ARID1A: variants seen among roughly 807,000 people sequenced by gnomAD.
ARID1A encodes the protein AT-rich interactive domain-containing protein 1A.
A neutral mutation model predicts 212.6 loss-of-function variants in ARID1A; 20 were observed. The ratio of observed to expected loss-of-function variants is 0.09; its 90% confidence interval spans 0.07 to 0.14. The LOEUF (loss-of-function observed/expected upper bound fraction) is 0.14, where lower values mean the gene tolerates loss of function less well. Ranked by LOEUF, ARID1A falls within the 10% of genes least tolerant of loss-of-function variation. The pLI, the probability that ARID1A is intolerant of heterozygous loss-of-function variation, is 1.00. For missense variants in ARID1A, 2,587 were observed against 3,059.0 expected, an observed-to-expected ratio of 0.85 and a Z score of 3.64; for synonymous variants, 1,376 against 1,222.1, an observed-to-expected ratio of 1.13 and a Z score of -2.63.
intron 1 of ARID1A, among the ~76,000 whole-genome samples, chr1:26,704,433 GGCT>G (rs1171903881): frequency 1.3e-5 from 2 of 152,162 alleles, no homozygotes; most frequent in African/African-American, 4.8e-5. Context: ...GGGACTCTTA[GGCT>G]GCTATTTCTG....
At chr1:26,711,193 C>T (rs2080450392) in intron 1 of ARID1A, among the ~76,000 whole-genome samples, 2 of 152,108 alleles carry the variant, frequency 1.3e-5, no homozygotes, top group South Asian at 4.2e-4. Flanking sequence ...ATTGCAACCT[C>T]CGCCTCCTGG....
chr1:26,725,087 G>A (rs2124779340), intron 1 of ARID1A, among the ~76,000 whole-genome samples: 1 of 152,148 alleles, frequency 6.6e-6, no homozygotes, highest in South Asian at 2.1e-4. Context: ...GTGTCTCTGT[G>A]GCAGAGCCTT....
At position 26,763,039 on chromosome 1, in the gene ARID1A, C is replaced by G; in HGVS notation, c.2486C>G (p.Ala829Gly). 7 of 1,613,966 alleles carry G rather than the reference C, an allele frequency of 4.3e-6. No homozygotes were observed. The highest frequency in any genetic ancestry group is 5.9e-6 in the Non-Finnish European group (7 of 1,179,808). The change falls in exon 8 of 20, where the codon GCT becomes GGT. Residue 829 changes from alanine (A) to glycine (G), a missense_variant. Transcript: ENST00000324856. ...PNANYPSAGM[A>G]GGINPMGAGG... ...GCCAACTACCCCAGTGCAGGCATGG[C>G]TGGAGGCATAAACCCCATGGGTGCC...
Position 26,762,276 on chromosome 1 carries a change from C to T in ARID1A, c.2376C>T (p.Ser792=), listed in dbSNP as rs2080999539. ...HTGMGSYQQN[S]MGSYGPQGGQ... is the part of the protein sequence containing the mutation. ...GCATGGGCTCCTACCAGCAGAACTC[C>T]ATGGGGAGCTATGGTCCCCAGGGGG... The change falls in exon 7 of 20, where the codon TCC becomes TCT. Residue 792 remains serine, a synonymous_variant. Coordinates refer to ENST00000324856, the MANE Select transcript of ARID1A (RefSeq NM_006015.6). 1 of 1,614,204 alleles carries T rather than the reference C, an allele frequency of 6.2e-7. No individual in the cohort carries two copies. The highest frequency in any genetic ancestry group is 8.5e-7 in the Non-Finnish European group (1 of 1,180,044).
chr1:26,749,318 G>A (rs751027373), intron 4 of ARID1A, among the ~76,000 whole-genome samples: 3 of 152,106 alleles, frequency 2.0e-5, no homozygotes, highest in Non-Finnish European at 2.9e-5. Flanking sequence ...GCTGTGAGGA[G>A]CACCTTCTCA....
chr1:26,728,657 C>A (rs186019587), intron 1 of ARID1A, among the ~76,000 whole-genome samples: 1 of 152,094 alleles, frequency 6.6e-6, no homozygotes, highest in Non-Finnish European at 1.5e-5. Context: ...CTATTTCACC[C>A]CCAATGTAAG....
At chr1:26,767,549 T>C (rs1384542282) in intron 10 of ARID1A, among the ~76,000 whole-genome samples, 1 of 152,184 alleles carries the variant, frequency 6.6e-6, no homozygotes, top group Non-Finnish European at 1.5e-5. Context: ...ATACCTAATA[T>C]ATAAAGGCAT....
Position 26,771,454 on chromosome 1 carries a change from A to G in ARID1A, c.3406+128A>G, listed in dbSNP as rs1158449396. On this transcript the variant is annotated intron_variant, in intron 12 of 19. Coordinates refer to ENST00000324856, the MANE Select transcript of ARID1A (RefSeq NM_006015.6). The surrounding 1 kb of genome is among the most constrained non-coding windows in gnomAD (Gnocchi z 5.4). Reference sequence around the variant, plus strand: ...GATCTGTGCTCTGCCTTGCCCTACCACAGGGCTTAACAGGTTGGCTGACTA... The same window carrying G: ...GATCTGTGCTCTGCCTTGCCCTACCGCAGGGCTTAACAGGTTGGCTGACTA... 3.1e-6 allele frequency: 3 copies of G among 973,520 alleles called. No individual in the cohort carries two copies. The highest frequency in any genetic ancestry group is 1.7e-5 in the African/African-American group (1 of 60,434). The allele number at this position is 973,520 out of a possible 1,614,324, so 60.3% of individuals were successfully genotyped here. A position where few individuals can be genotyped will look rare whatever the true frequency, so the allele number is the denominator to read the frequency against.
chr1:26,777,786 G>A (rs1224547001), intron 19 of ARID1A, among the ~76,000 whole-genome samples: 1 of 152,112 alleles, frequency 6.6e-6, no homozygotes, highest in African/African-American at 2.4e-5. Flanking sequence ...ATAAAAATTA[G>A]GCTGGGCGCA....
rs2080278252 is a variant in ARID1A, at chr1:26,697,294, A to G, written c.891A>G (p.Gln297=). 1.5e-6 allele frequency: 2 copies of G among 1,352,904 alleles called. No individual in the cohort carries two copies. Among genetic ancestry groups the G allele is most frequent in the African/African-American group, 3.1e-5 (2 of 65,350 alleles). The allele number at this position is 1,352,904 out of a possible 1,614,324, so 83.8% of individuals were successfully genotyped here. ...PQPTATPTLN[Q]LLTSPSSARG... ...CCACCGCCACCCCCACCCTCAACCA[A>G]CTGCTCACGTCGCCCAGCTCGGCCC... The change falls in exon 1 of 20, where the codon CAA becomes CAG. Residue 297 remains glutamine, a synonymous_variant. Transcript: ENST00000324856.
At chr1:26,759,223 G>A (rs1338696394) in intron 4 of ARID1A, among the ~76,000 whole-genome samples, 2 of 152,114 alleles carry the variant, frequency 1.3e-5, no homozygotes, top group Non-Finnish European at 2.9e-5. Context: ...TTGTTTTTGA[G>A]ATGGTGTTTT....
In ARID1A at chr1:26,770,862, G is replaced by C; in HGVS notation, c.3199-257G>C. 6.2e-6 allele frequency: 3 copies of C among 487,614 alleles called. No homozygotes were observed. In the South Asian group the frequency reaches 9.3e-5, roughly 15 times the overall value. 30.2% of individuals were successfully genotyped at this position (487,614 alleles called of 1,614,324 possible). A position where few individuals can be genotyped will look rare whatever the true frequency, so the allele number is the denominator to read the frequency against. Reference sequence around the variant, plus strand: ...AAACCGGACTCTGAATTCTGTTCCAGTAGTAATGTGAAATTTGCCCTGTTG... The same window carrying C: ...AAACCGGACTCTGAATTCTGTTCCACTAGTAATGTGAAATTTGCCCTGTTG... On this transcript the variant is annotated intron_variant, in intron 11 of 19. Transcript: ENST00000324856.
chr1:26,696,125 G>A lies in ARID1A; in HGVS notation c.-279G>A. Reference sequence around the variant, plus strand: ...GGCAAGGGCTTGGGGGGAATGAGCCGGGAGAGCCGGGTCCCGAGCCTACAG... The same window carrying A: ...GGCAAGGGCTTGGGGGGAATGAGCCAGGAGAGCCGGGTCCCGAGCCTACAG... On this transcript the variant is annotated 5_prime_UTR_variant, in exon 1 of 20. Transcript: ENST00000324856. 3 of 466,306 alleles carry A rather than the reference G, an allele frequency of 6.4e-6. No individual in the cohort carries two copies. The highest frequency in any genetic ancestry group is 5.9e-5 in the East Asian group (1 of 17,028). The allele number at this position is 466,306 out of a possible 1,614,324, so 28.9% of individuals were successfully genotyped here. A position where few individuals can be genotyped will look rare whatever the true frequency, so the allele number is the denominator to read the frequency against.
intron 1 of ARID1A, among the ~76,000 whole-genome samples, chr1:26,717,346 A>G (rs966137429): frequency 7.2e-5 from 11 of 152,274 alleles, no homozygotes; most frequent in African/African-American, 2.4e-4. Flanking sequence ...CATTTCACAT[A>G]CTTACCATTT....
Position 26,696,925 on chromosome 1 carries a change from C to T in ARID1A, c.522C>T (p.Gly174=). The change falls in exon 1 of 20, where the codon GGC becomes GGT. Residue 174 remains glycine (G), a synonymous_variant. Transcript: ENST00000324856. The part of the protein sequence containing the change: ...AAAAVFHQQH[G]GQQSPGLAAL... ...CCGCCGTCTTCCACCAACAACATGG[C>T]GGACAACAAAGCCCTGGCCTGGCAG... The T allele has an allele frequency of 1.4e-6, 2 of 1,425,602 alleles. No homozygotes were observed. Among genetic ancestry groups the T allele is most frequent in the Non-Finnish European group, 1.8e-6 (2 of 1,093,974 alleles). The allele number at this position is 1,425,602 out of a possible 1,614,324, so 88.3% of individuals were successfully genotyped here. A position where few individuals can be genotyped will look rare whatever the true frequency, so the allele number is the denominator to read the frequency against.
In ARID1A at chr1:26,741,497, A is replaced by G. The variant is rs1402545832; in HGVS notation, c.1920+8705A>G. On this transcript the variant is annotated intron_variant, in intron 4 of 19. Transcript: ENST00000324856. ...AAAGACCCGCATGTGTATAAGGCAGATGGAAGAGGGAAAAGTGAAGGTGCT... is the reference window on the plus strand; with the variant it reads ...AAAGACCCGCATGTGTATAAGGCAGGTGGAAGAGGGAAAAGTGAAGGTGCT... Among the ~76,000 whole-genome samples, 3 of 152,220 alleles carry G rather than the reference A, an allele frequency of 2.0e-5. 1 individual carries two copies. The highest frequency in any genetic ancestry group is 2.0e-4 in the Admixed American group (3 of 15,286).
rs769238616 is a variant in ARID1A at position 26,773,712 on chromosome 1, G to GCAA, written c.4001_4003dup (p.Gln1334dup). ...CCCCGCAGCAGCAGCAGCAGCAGCA[G>GCAA]CAACGGTGAGTAAAGCCTGGTCTCG... On this transcript the variant is annotated inframe_insertion, in exon 16 of 20. Transcript: ENST00000324856. The GCAA allele has an allele frequency of 6.2e-6, 10 of 1,614,054 alleles. No individual in the cohort carries two copies. In the East Asian group the frequency reaches 8.9e-5, roughly 14 times the overall value.
At chr1:26,768,043 A>G (rs770307078) in intron 11 of ARID1A, 44 bp downstream of exon 11, 4 of 1,587,572 alleles carry the variant, frequency 2.5e-6, no homozygotes, top group Non-Finnish European at 3.4e-6. Flanking sequence ...GGTTTCCACA[A>G]ACCCCTTTCT....
At position 26,704,397 on chromosome 1, in the gene ARID1A, CAA is replaced by C. The variant is rs140790585; in HGVS notation, c.1137+6858_1137+6859del. 5.4e-3 allele frequency among the ~76,000 whole-genome samples: 815 copies of C among 152,260 alleles called. 6 individuals carry two copies. Among genetic ancestry groups the C allele is most frequent in the African/African-American group, 0.018 (758 of 41,532 alleles). On this transcript the variant is annotated intron_variant, in intron 1 of 19. Transcript: ENST00000324856. Reference sequence around the variant, plus strand: ...CAGAGTTAGTTGACCTTTCTTAAAACAAGAGCCACGAAGTAAGTATCTGTTGG... The same window carrying C: ...CAGAGTTAGTTGACCTTTCTTAAAACGAGCCACGAAGTAAGTATCTGTTGG...
Sources: allele counts gnomAD v4.1 joint callset (sites outside exome capture counted in the v4.1 genomes callset), GRCh38; gene constraint gnomAD v4.1.1; non-coding constraint Gnocchi (gnomAD v3.1); transcripts MANE v1.5; gene names NCBI Gene and HGNC (gene_info 2026-07-23, HGNC 2026-07-21).